The following ADK variants were observed in gnomAD, a reference collection of about 807,000 sequenced individuals.
ADK encodes N6,N6-dimethyladenosine kinase.
In ADK, 24 loss-of-function variants were observed where a neutral mutation model predicts 44.7. That is an observed-to-expected ratio of 0.54 (90% confidence interval 0.39 to 0.76). The LOEUF (loss-of-function observed/expected upper bound fraction) is 0.76. Among genes scored for constraint, ADK ranks in the 30% least tolerant of loss-of-function variants. The pLI is 0.00. For missense variants in ADK, 321 were observed against 425.1 expected (o/e 0.76, Z 2.15); for synonymous variants, 128 against 142.6 (o/e 0.90, Z 0.73).
At position 74,503,529 on chromosome 10, in the gene ADK, C is replaced by T. The variant is rs1056120505; in HGVS notation, c.556-21727C>T. Among the ~76,000 whole-genome samples the T allele has an allele frequency of 9.2e-5, 14 of 152,142 alleles. 1 individual carries two copies. Among genetic ancestry groups the T allele is most frequent in the Admixed American group, 3.3e-4 (5 of 15,292 alleles). On this transcript the variant is annotated intron_variant, in intron 6 of 10. Transcript: ENST00000539909. The stretch of plus-strand genomic sequence containing the variant: ...CAGGAAAGTGTTGCAGTAGGGTTTA[C>T]AAAGTAATGAGAGTTATCAACTAAA...
At chr10:74,185,842 G>GAAAAAAAAA (rs71021593) in intron 1 of ADK, among the ~76,000 whole-genome samples, 1 of 65,810 alleles carries the variant, frequency 1.5e-5, no homozygotes, top group African/African-American at 5.1e-5. Context: ...GTCTCAAAAA[G>GAAAAAAAAA]AAAAAAAAAA....
chr10:74,522,637 G>T (rs1848881861), intron 6 of ADK, among the ~76,000 whole-genome samples: 1 of 152,012 alleles, frequency 6.6e-6, no homozygotes, highest in Non-Finnish European at 1.5e-5. Flanking sequence ...TATTTTAAAA[G>T]ATTTTTTTTT....
intron 2 of ADK, among the ~76,000 whole-genome samples, chr10:74,202,635 T>C (rs1843437610): frequency 6.6e-6 from 1 of 152,190 alleles, no homozygotes; most frequent in Non-Finnish European, 1.5e-5. Context: ...TATTTTTTAT[T>C]TTTTAAATTA....
intron 1 of ADK, among the ~76,000 whole-genome samples, chr10:74,168,541 A>G (rs1842088982): frequency 6.7e-6 from 1 of 149,402 alleles, no homozygotes; most frequent in Non-Finnish European, 1.5e-5. Context: ...TGTCTCAAAA[A>G]AAAAAAAAAA....
chr10:74,639,822 C>T (rs976039938), intron 9 of ADK, among the ~76,000 whole-genome samples: 52 of 152,050 alleles, frequency 3.4e-4, no homozygotes, highest in Admixed American at 2.9e-3. Flanking sequence ...GGTGACAGAG[C>T]GAGCAAGAGC....
chr10:74,402,590 CCATCAGGT>C (rs796348024), intron 6 of ADK, among the ~76,000 whole-genome samples: 18 of 152,270 alleles, frequency 1.2e-4, no homozygotes, highest in African/African-American at 4.1e-4. Context: ...GTTTTCAGCT[CCATCAGGT>C]CATTTAAGGT....
intron 10 of ADK, among the ~76,000 whole-genome samples, chr10:74,681,251 T>A (rs1217583506): frequency 4.6e-5 from 7 of 152,208 alleles, no homozygotes; most frequent in Non-Finnish European, 7.3e-5. Context: ...AAATGAGATC[T>A]TATCTGAATC....
chr10:74,614,766 A>G (rs1227450874), intron 9 of ADK, among the ~76,000 whole-genome samples: 1 of 151,220 alleles, frequency 6.6e-6, no homozygotes, highest in African/African-American at 2.4e-5. Context: ...TATTTCTCCA[A>G]GGAACCCTGG....
chr10:74,264,460 G>A (rs1400051916), intron 3 of ADK, among the ~76,000 whole-genome samples: 1 of 152,056 alleles, frequency 6.6e-6, no homozygotes, highest in African/African-American at 2.4e-5. Context: ...GCCTCTTAAT[G>A]TCCTTTACTC....
At chr10:74,354,822 CAGAA>C in intron 4 of ADK, among the ~76,000 whole-genome samples, 1 of 152,174 alleles carries the variant, frequency 6.6e-6, no homozygotes, top group East Asian at 1.9e-4. Context: ...AAAAGTTAAA[CAGAA>C]AGATCAATTA....
At chr10:74,475,624 A>T (rs1227861697) in intron 6 of ADK, among the ~76,000 whole-genome samples, 2 of 151,940 alleles carry the variant, frequency 1.3e-5, no homozygotes, top group Non-Finnish European at 2.9e-5. Context: ...GGAGAATTGC[A>T]TGAGCCCAGG....
At chr10:74,415,242 A>G (rs911133820) in intron 6 of ADK, among the ~76,000 whole-genome samples, 6 of 152,242 alleles carry the variant, frequency 3.9e-5, no homozygotes, top group African/African-American at 1.4e-4. Flanking sequence ...AAATGAATTA[A>G]CAAATCATCT....
intron 3 of ADK, among the ~76,000 whole-genome samples, chr10:74,230,170 T>C (rs1303752070): frequency 7.0e-6 from 1 of 142,570 alleles, no homozygotes; most frequent in Non-Finnish European, 1.5e-5. Flanking sequence ...CAAGGTTAAA[T>C]GCTTATTTTT....
rs533910743 is a variant in ADK at position 74,167,254 on chromosome 10, G to A, written c.65+15911G>A. Among the ~76,000 whole-genome samples, 8 of 152,208 alleles carry A rather than the reference G, an allele frequency of 5.3e-5. No homozygotes were observed. The East Asian group carries it at 1.2e-3, about 22-fold the overall frequency. On this transcript the variant is annotated intron_variant, in intron 1 of 10. Transcript: ENST00000539909. ...ACTCCTAAGCTCAAGTGATCCTCCCGCCTCAGCCTCCCAAAATGTTAGGAT... is the reference window on the plus strand; with the variant it reads ...ACTCCTAAGCTCAAGTGATCCTCCCACCTCAGCCTCCCAAAATGTTAGGAT...
chr10:74,566,201 C>CTTTTTTT (rs772254919), intron 7 of ADK, among the ~76,000 whole-genome samples: 14 of 113,996 alleles, frequency 1.2e-4, no homozygotes, highest in African/African-American at 2.5e-4. Flanking sequence ...CTCTCTCTCT[C>CTTTTTTT]TTTTTTTTTT....
intron 6 of ADK, among the ~76,000 whole-genome samples, chr10:74,491,917 TGTGGGCAAGACAA>T (rs1847506008): frequency 6.6e-6 from 1 of 152,164 alleles, no homozygotes; most frequent in African/African-American, 2.4e-5. Flanking sequence ...ACCTTTTGAA[TGTGGGCAAGACAA>T]GTCTCAGAGT....
chr10:74,326,407 C>T lies in ADK; in HGVS notation c.273+11662C>T, dbSNP rs147856813. 1.1e-3 allele frequency among the ~76,000 whole-genome samples: 150 copies of T among 134,430 alleles called. 2 individuals carry two copies. In the East Asian group the frequency reaches 0.031, roughly 27 times the overall value. The allele number at this position is 134,430 out of a possible 152,430, so 88.2% of individuals were successfully genotyped here. On this transcript the variant is annotated intron_variant, in intron 4 of 10. Transcript: ENST00000539909. ...GCCAGGAATTTGAGGTCAACCTGGA[C>T]AACATAGTGAGACCTTGTTTCTACA...
chr10:74,541,979 G>A (rs964876122), intron 7 of ADK, among the ~76,000 whole-genome samples: 2 of 151,824 alleles, frequency 1.3e-5, no homozygotes, highest in African/African-American at 2.4e-5. Flanking sequence ...AGTGGCTTAC[G>A]CCTGTAATCC....
At chr10:74,504,703 A>T (rs554129669) in intron 6 of ADK, among the ~76,000 whole-genome samples, 1 of 152,262 alleles carries the variant, frequency 6.6e-6, no homozygotes, top group South Asian at 2.1e-4. Flanking sequence ...TCATTAGATC[A>T]TGGGGGCCAT....
Sources: allele counts gnomAD v4.1 joint callset (sites outside exome capture counted in the v4.1 genomes callset), GRCh38; gene constraint gnomAD v4.1.1; transcripts MANE v1.5; gene names NCBI Gene and HGNC (gene_info 2026-07-23, HGNC 2026-07-21).